The following ACYP2 variants were observed in gnomAD, a reference collection of about 807,000 sequenced individuals.
The protein encoded by ACYP2 is acylphosphatase-2.
Under a neutral mutation model 11.2 loss-of-function variants are expected in ACYP2, and 12 were observed. The ratio of observed to expected loss-of-function variants is 1.08; its 90% CI spans 0.69 to 1.74. ACYP2 has a LOEUF of 1.74. Among genes scored for constraint, ACYP2 ranks in the 40% most tolerant of loss-of-function variants. ACYP2 has a pLI of 0.00. For missense variants in ACYP2, 134 were observed against 101.9 expected (o/e 1.31, Z -1.35); for synonymous variants, 43 against 32.2 (o/e 1.33, Z -1.13).
chr2:53,987,272 A>G (rs1365403643), intron 2 of ACYP2, among the ~76,000 whole-genome samples: 1 of 152,022 alleles, frequency 6.6e-6, no homozygotes, highest in Non-Finnish European at 1.5e-5. Context: ...GAGGGTGGTT[A>G]GTATGTTAAA....
chr2:54,141,811 C>A, intron 6 of ACYP2: 1 of 494,970 alleles, frequency 2.0e-6, no homozygotes, highest in Non-Finnish European at 3.7e-6. Flanking sequence ...GATTGTGTCA[C>A]ACATATGCTT....
intron 6 of ACYP2, among the ~76,000 whole-genome samples, chr2:54,284,768 G>T (rs1689008773): frequency 6.6e-6 from 1 of 151,998 alleles, no homozygotes; most frequent in Admixed American, 6.6e-5. Flanking sequence ...TTCCCTCCCA[G>T]CAGGCTTTGC....
In ACYP2 at chr2:54,244,724, CTTGTT is replaced by C. The variant is rs201171805; in HGVS notation, c.405-59961_405-59957del. 4.1e-3 allele frequency among the ~76,000 whole-genome samples: 622 copies of C among 151,922 alleles called. 10 individuals carry two copies. In the East Asian group the frequency reaches 0.044, roughly 11 times the overall value. On this transcript the variant is annotated intron_variant, in intron 6 of 6. Transcript: ENST00000607452. ...CTCTTTTAGAGATTTCTTTGAAATC[CTTGTT>C]TTATTTTTTTCTGTATAATTTTCAT...
chr2:54,064,224 G>A (rs1448300390), intron 4 of ACYP2, among the ~76,000 whole-genome samples: 1 of 152,140 alleles, frequency 6.6e-6, no homozygotes, highest in African/African-American at 2.4e-5. Flanking sequence ...AGGGGTCTTG[G>A]CAGGAGGCCC....
chr2:54,223,448 T>A (rs1685881568), intron 6 of ACYP2, among the ~76,000 whole-genome samples: 1 of 152,222 alleles, frequency 6.6e-6, no homozygotes, highest in Non-Finnish European at 1.5e-5. Flanking sequence ...CTGTAGTTTT[T>A]CCCAGACCAC....
intron 6 of ACYP2, among the ~76,000 whole-genome samples, chr2:54,243,795 G>A (rs766136884): frequency 7.2e-5 from 11 of 152,080 alleles, no homozygotes; most frequent in Non-Finnish European, 1.0e-4. Flanking sequence ...GGCTTGTCTC[G>A]AACTCCTGGC....
intron 4 of ACYP2, among the ~76,000 whole-genome samples, chr2:54,057,837 T>C (rs1192780449): frequency 6.6e-6 from 1 of 152,082 alleles, no homozygotes; most frequent in Admixed American, 6.6e-5. Context: ...AGGTCACCAT[T>C]TGAGAGGGGA....
At chr2:54,130,799 C>G (rs1025294486) in intron 4 of ACYP2, among the ~76,000 whole-genome samples, 16 of 152,054 alleles carry the variant, frequency 1.1e-4, no homozygotes, top group African/African-American at 3.6e-4. Context: ...GATCTCAAAC[C>G]TCGGGCCTTT....
intron 4 of ACYP2, among the ~76,000 whole-genome samples, chr2:54,086,339 C>A (rs1677946282): frequency 6.6e-6 from 1 of 152,054 alleles, no homozygotes; most frequent in Non-Finnish European, 1.5e-5. Context: ...TTAGTTCAGG[C>A]CTTGTTCCTC....
rs185966225 is a variant in ACYP2, at chr2:54,082,218, C to T, written c.277+24858C>T. ...ATTATTCCTCATTTATGTTAGTAAACATAATTTGTACACATATATAGCTCT... is the reference window on the plus strand; with the variant it reads ...ATTATTCCTCATTTATGTTAGTAAATATAATTTGTACACATATATAGCTCT... On this transcript the variant is annotated intron_variant, in intron 4 of 6. Transcript: ENST00000607452. Among the ~76,000 whole-genome samples the T allele has an allele frequency of 5.9e-4, 89 of 152,026 alleles. No homozygotes were observed. The East Asian group carries it at 9.7e-3, about 16-fold the overall frequency.
chr2:54,060,982 C>A (rs1314088207), intron 4 of ACYP2, among the ~76,000 whole-genome samples: 1 of 151,962 alleles, frequency 6.6e-6, no homozygotes, highest in East Asian at 1.9e-4. Context: ...AAAGAGAAGA[C>A]AAACACATTT....
At chr2:54,110,822 C>G (rs1370993984) in intron 4 of ACYP2, among the ~76,000 whole-genome samples, 1 of 151,910 alleles carries the variant, frequency 6.6e-6, no homozygotes, top group African/African-American at 2.4e-5. Context: ...TCGGTGTTTA[C>G]TCCTTGGAGC....
At chr2:54,038,673 C>CTATATATATATA (rs56817782) in intron 2 of ACYP2, among the ~76,000 whole-genome samples, 67 of 106,084 alleles carry the variant, frequency 6.3e-4, no homozygotes, top group South Asian at 8.4e-4. Context: ...TTATTGAATA[C>CTATATATATATA]TATATATATA....
At chr2:54,206,976 T>G (rs1685097366) in intron 6 of ACYP2, among the ~76,000 whole-genome samples, 1 of 152,070 alleles carries the variant, frequency 6.6e-6, no homozygotes, top group Non-Finnish European at 1.5e-5. Context: ...TTTGGGGCAT[T>G]GTATTAGAGT....
rs147300165 is a variant in ACYP2, at chr2:54,141,109, C to CT, written c.404+2365dup. 2.1e-3 allele frequency among the ~76,000 whole-genome samples: 317 copies of CT among 152,290 alleles called. 3 individuals carry two copies. Among genetic ancestry groups the CT allele is most frequent in the African/African-American group, 7.2e-3 (298 of 41,562 alleles). The stretch of plus-strand genomic sequence containing the variant: ...CTGTGAATTTGTTCTCATGAACTCC[C>CT]TTTTCACATCCTTTACCCATTTTTC... On this transcript the variant is annotated intron_variant, in intron 6 of 6. Coordinates refer to ENST00000607452, the MANE Select transcript of ACYP2 (RefSeq NM_001320586.2).
chr2:54,095,745 G>A (rs1302539266), intron 4 of ACYP2, among the ~76,000 whole-genome samples: 1 of 119,230 alleles, frequency 8.4e-6, no homozygotes. Flanking sequence ...CCGGGCAGAG[G>A]CGCCCCTCAC....
chr2:54,033,875 T>C (rs1242470125), intron 2 of ACYP2, among the ~76,000 whole-genome samples: 1 of 152,244 alleles, frequency 6.6e-6, no homozygotes, highest in Non-Finnish European at 1.5e-5. Context: ...TGAAAAGAGT[T>C]GGCTTCACTT....
intron 4 of ACYP2, among the ~76,000 whole-genome samples, chr2:54,062,919 TA>T (rs1676543096): frequency 6.6e-6 from 1 of 152,218 alleles, no homozygotes; most frequent in African/African-American, 2.4e-5. Context: ...TTCTCTGTTC[TA>T]GTTATTAAAG....
chr2:54,025,547 C>G (rs1457257633), intron 2 of ACYP2, among the ~76,000 whole-genome samples: 1 of 152,152 alleles, frequency 6.6e-6, no homozygotes, highest in African/African-American at 2.4e-5. Context: ...AAACTGGATT[C>G]TCATCTCTTA....
Sources: gnomAD v4.1 joint callset for allele counts (sites outside exome capture counted in the v4.1 genomes callset) on GRCh38, gnomAD v4.1.1 for gene constraint, MANE v1.5 for transcripts, NCBI Gene and HGNC (gene_info 2026-07-23, HGNC 2026-07-21) for gene names.